The following ROBO1 variants were observed in gnomAD, a reference collection of about 807,000 sequenced individuals.
The protein encoded by ROBO1 is roundabout guidance receptor 1.
A neutral mutation model predicts 195.9 loss-of-function variants in ROBO1; 149 were observed. The ratio of observed to expected loss-of-function variants is 0.76; its 90% CI spans 0.67 to 0.87. ROBO1 has a LOEUF of 0.87. ROBO1 is among the 40% of genes least tolerant of loss of function. The probability of loss-of-function intolerance (pLI) is 0.00; values close to 1 mark genes in which losing one functional copy is unlikely to be tolerated. For synonymous variants in ROBO1, 816 were observed against 733.2 expected (o/e 1.11, Z -1.82); for missense variants, 1,933 against 2,068.3 (o/e 0.93, Z 1.27).
At chr3:79,616,498 C>T (rs989754295) in intron 1 of ROBO1, among the ~76,000 whole-genome samples, 5 of 152,108 alleles carry the variant, frequency 3.3e-5, no homozygotes, top group African/African-American at 9.7e-5. Flanking sequence ...TTATTGCAGC[C>T]ATCAAAGTGT....
At chr3:79,134,036 T>A (rs1238302355) in intron 2 of ROBO1, among the ~76,000 whole-genome samples, 2 of 150,188 alleles carry the variant, frequency 1.3e-5, no homozygotes, top group East Asian at 2.0e-4. Context: ...AATTGACAAA[T>A]GGGATCTAAT....
At chr3:79,686,027 A>T (rs1298885173) in intron 1 of ROBO1, among the ~76,000 whole-genome samples, 1 of 152,192 alleles carries the variant, frequency 6.6e-6, no homozygotes, top group African/African-American at 2.4e-5. Context: ...ATCCACCATG[A>T]TCAAGTGGGT....
chr3:79,763,768 G>A (rs1209298631), intron 1 of ROBO1, among the ~76,000 whole-genome samples: 1 of 152,176 alleles, frequency 6.6e-6, no homozygotes, highest in Non-Finnish European at 1.5e-5. Context: ...TACTGTTTAT[G>A]AGATCCTTGG....
At chr3:79,610,115 T>G (rs1280320268) in intron 1 of ROBO1, among the ~76,000 whole-genome samples, 2 of 151,978 alleles carry the variant, frequency 1.3e-5, no homozygotes, top group Non-Finnish European at 2.9e-5. Flanking sequence ...ATTGTTAATT[T>G]AGGTCATTAG....
chr3:78,886,174 A>T (rs574072074), intron 4 of ROBO1, among the ~76,000 whole-genome samples: 1 of 152,014 alleles, frequency 6.6e-6, no homozygotes, highest in Admixed American at 6.6e-5. Context: ...AGTATTTTAG[A>T]ATATATATCT....
intron 3 of ROBO1, among the ~76,000 whole-genome samples, chr3:79,047,720 A>G (rs2078621208): frequency 6.6e-6 from 1 of 152,138 alleles, no homozygotes; most frequent in Non-Finnish European, 1.5e-5. Context: ...TATGTCTCTC[A>G]TCATATTTTA....
At chr3:78,687,656 A>G (rs893126715) in intron 9 of ROBO1, among the ~76,000 whole-genome samples, 1 of 152,036 alleles carries the variant, frequency 6.6e-6, no homozygotes, top group Non-Finnish European at 1.5e-5. Context: ...ACAGGTTCTC[A>G]CTCTTTCACC....
At chr3:79,330,627 G>C (rs1210696720) in intron 2 of ROBO1, among the ~76,000 whole-genome samples, 1 of 123,896 alleles carries the variant, frequency 8.1e-6, no homozygotes, top group African/African-American at 3.1e-5. Flanking sequence ...GACAAAGTTT[G>C]TATGGCCTGC....
intron 4 of ROBO1, among the ~76,000 whole-genome samples, chr3:78,846,899 G>C (rs926256474): frequency 1.3e-5 from 2 of 152,156 alleles, no homozygotes; most frequent in African/African-American, 4.8e-5. Context: ...CATAGCCTCA[G>C]ACTAGCAGCT....
chr3:79,116,773 C>T (rs1391636975), intron 3 of ROBO1, among the ~76,000 whole-genome samples: 1 of 152,014 alleles, frequency 6.6e-6, no homozygotes, highest in Non-Finnish European at 1.5e-5. Flanking sequence ...CCACCTTGGC[C>T]TCCCAAATTG....
At chr3:79,203,570 G>A (rs920385145) in intron 2 of ROBO1, among the ~76,000 whole-genome samples, 1 of 152,182 alleles carries the variant, frequency 6.6e-6, no homozygotes, top group Non-Finnish European at 1.5e-5. Context: ...ATGTTCCCAA[G>A]TGAATCTTGG....
chr3:78,787,621 A>C (rs2083876533), intron 4 of ROBO1, among the ~76,000 whole-genome samples: 1 of 152,192 alleles, frequency 6.6e-6, no homozygotes, highest in African/African-American at 2.4e-5. Context: ...TACATATAAT[A>C]CCACAGCTAG....
intron 2 of ROBO1, among the ~76,000 whole-genome samples, chr3:79,575,237 AATAT>A (rs1157869083): frequency 4.1e-5 from 3 of 72,416 alleles, no homozygotes; most frequent in African/African-American, 1.9e-4. Context: ...AATATATATA[AATAT>A]ATATAACAAA....
At chr3:79,470,603 G>A (rs1938219415) in intron 2 of ROBO1, among the ~76,000 whole-genome samples, 1 of 152,120 alleles carries the variant, frequency 6.6e-6, no homozygotes, top group African/African-American at 2.4e-5. Context: ...ATCCCCATGT[G>A]TCAAAGATGG....
At chr3:78,742,156 C>T (rs1392033251) in intron 5 of ROBO1, among the ~76,000 whole-genome samples, 2 of 152,114 alleles carry the variant, frequency 1.3e-5, no homozygotes, top group Admixed American at 1.3e-4. Flanking sequence ...AAAGCCACCA[C>T]ATTAAAGAAC....
At chr3:79,633,181 G>T (rs1465383950) in intron 1 of ROBO1, among the ~76,000 whole-genome samples, 3 of 132,198 alleles carry the variant, frequency 2.3e-5, no homozygotes, top group African/African-American at 8.4e-5. Context: ...TATTTGCTGG[G>T]TTTTTTTTTT....
chr3:79,636,273 A>T (rs1010229957), intron 1 of ROBO1, among the ~76,000 whole-genome samples: 2 of 152,150 alleles, frequency 1.3e-5, no homozygotes, highest in African/African-American at 4.8e-5. Flanking sequence ...GAATACATGG[A>T]TTCAACAAAT....
At chr3:79,164,762 T>C (rs2081032733) in intron 2 of ROBO1, among the ~76,000 whole-genome samples, 1 of 152,178 alleles carries the variant, frequency 6.6e-6, no homozygotes, top group South Asian at 2.1e-4. Flanking sequence ...TCTGATCTCA[T>C]TCCCGACTCC....
intron 2 of ROBO1, among the ~76,000 whole-genome samples, chr3:79,456,759 C>T (rs1215451730): frequency 2.0e-5 from 3 of 151,972 alleles, no homozygotes; most frequent in African/African-American, 4.8e-5. Flanking sequence ...TTTTCTTTAG[C>T]GACTTTTAAT....
Sources: gnomAD v4.1 joint callset for allele counts (sites outside exome capture counted in the v4.1 genomes callset) on GRCh38, gnomAD v4.1.1 for gene constraint, MANE v1.5 for transcripts, NCBI Gene and HGNC (gene_info 2026-07-23, HGNC 2026-07-21) for gene names.